The following THRB variants were observed in gnomAD, a reference collection of about 807,000 sequenced individuals.
The protein encoded by THRB is thyroid hormone receptor beta, also known as nuclear receptor subfamily 1 group A member 2.
Under a neutral mutation model 47.8 loss-of-function variants are expected in THRB, and 12 were observed. The ratio of observed to expected loss-of-function variants is 0.25; its 90% CI spans 0.16 to 0.41. The LOEUF (loss-of-function observed/expected upper bound fraction) is 0.41, where lower values mean the gene tolerates loss of function less well. Among genes scored for constraint, THRB ranks in the 10% least tolerant of loss-of-function variants. THRB has a pLI of 1.00. For missense variants in THRB, 348 were observed against 589.2 expected, an observed-to-expected ratio of 0.59 and a Z score of 4.24; for synonymous variants, 218 against 212.2, an observed-to-expected ratio of 1.03 and a Z score of -0.24.
Position 24,117,577 on chromosome 3 carries a change from A to G in THRB, c.*5307T>C, listed in dbSNP as rs1336218457. The G allele has an allele frequency of 2.6e-5, 4 of 152,352 alleles. No individual in the cohort carries two copies. The East Asian group carries it at 7.7e-4, about 29-fold the overall frequency. The allele number at this position is 152,352 out of a possible 1,614,324, so 9.4% of individuals were successfully genotyped here. ...GGAGAAAAGAAATTCTCCTTTCACT[A>G]TATTTGGAGCTGTAAAGCTCATCCT... is the stretch of plus-strand genomic sequence containing the variant. On this transcript the variant is annotated 3_prime_UTR_variant, in exon 11 of 11. Coordinates refer to ENST00000646209, the MANE Select transcript of THRB (RefSeq NM_001354712.2).
intron 3 of THRB, among the ~76,000 whole-genome samples, chr3:24,242,284 C>T (rs1379812665): frequency 2.6e-5 from 4 of 152,164 alleles, no homozygotes; most frequent in Non-Finnish European, 5.9e-5. Flanking sequence ...AAGGGCATTT[C>T]TGCATGATTC....
intron 2 of THRB, among the ~76,000 whole-genome samples, chr3:24,319,273 T>C (rs2058321256): frequency 6.6e-6 from 1 of 152,136 alleles, no homozygotes; most frequent in East Asian, 1.9e-4. Flanking sequence ...CCAAGAGAAA[T>C]GGATATGTCC....
At chr3:24,210,718 C>T (rs1034497730) in intron 4 of THRB, among the ~76,000 whole-genome samples, 1 of 152,174 alleles carries the variant, frequency 6.6e-6, no homozygotes, top group Non-Finnish European at 1.5e-5. Flanking sequence ...TCCTTTCTAC[C>T]AGTCAGCATG....
At chr3:24,285,329 A>G (rs1250231559) in intron 3 of THRB, among the ~76,000 whole-genome samples, 1 of 151,548 alleles carries the variant, frequency 6.6e-6, no homozygotes, top group Admixed American at 6.6e-5. Flanking sequence ...AACTATCACA[A>G]GAACAAAAAA....
intron 1 of THRB, among the ~76,000 whole-genome samples, chr3:24,375,396 G>GACATATAATATTAATATATTATAT (rs1560050189): frequency 1.3e-3 from 115 of 86,958 alleles, no homozygotes; most frequent in African/African-American, 4.7e-3. Context: ...ATATATTATA[G>GACATATAATATTAATATATTATAT]TTAGACATAT....
chr3:24,299,446 T>A (rs942517320), intron 2 of THRB, among the ~76,000 whole-genome samples: 3 of 152,012 alleles, frequency 2.0e-5, no homozygotes, highest in African/African-American at 7.2e-5. Flanking sequence ...CTTTGGATGC[T>A]TTTCAAGAAA....
intron 1 of THRB, among the ~76,000 whole-genome samples, chr3:24,342,187 T>C (rs1341641792): frequency 2.1e-5 from 3 of 146,092 alleles, no homozygotes; most frequent in South Asian, 2.1e-4. Flanking sequence ...GATGCCTACA[T>C]AGAAAATGGT....
intron 4 of THRB, among the ~76,000 whole-genome samples, chr3:24,208,138 A>T (rs181920731): frequency 3.0e-4 from 45 of 152,308 alleles, no homozygotes; most frequent in African/African-American, 9.1e-4. Flanking sequence ...CCAACTTACA[A>T]GGGATGTGAA....
chr3:24,419,504 G>T, intron 1 of THRB, among the ~76,000 whole-genome samples: 1 of 151,772 alleles, frequency 6.6e-6, no homozygotes, highest in African/African-American at 2.4e-5. Context: ...TTTTACTATG[G>T]CTTTGGATCT....
intron 3 of THRB, among the ~76,000 whole-genome samples, chr3:24,287,902 A>G (rs2150939660): frequency 6.6e-6 from 1 of 152,342 alleles, no homozygotes; most frequent in South Asian, 2.1e-4. Flanking sequence ...AGAGAAAGGA[A>G]CAACATTTAC....
intron 1 of THRB, among the ~76,000 whole-genome samples, chr3:24,456,992 C>A (rs112041866): frequency 5.1e-4 from 77 of 152,086 alleles, no homozygotes; most frequent in African/African-American, 1.5e-3. Context: ...AATTGGCAAA[C>A]CTCTCCTAAT....
At chr3:24,329,983 C>T (rs971132277) in intron 2 of THRB, among the ~76,000 whole-genome samples, 3 of 152,140 alleles carry the variant, frequency 2.0e-5, no homozygotes, top group Non-Finnish European at 4.4e-5. Context: ...TGAGAAACAC[C>T]GTCTTAGACT....
chr3:24,220,174 G>T (rs889868043), intron 4 of THRB, among the ~76,000 whole-genome samples: 1 of 152,126 alleles, frequency 6.6e-6, no homozygotes, highest in Non-Finnish European at 1.5e-5. Flanking sequence ...GTCTAGGATG[G>T]CATGGACATC....
intron 2 of THRB, among the ~76,000 whole-genome samples, chr3:24,313,146 G>A (rs1310909551): frequency 6.6e-6 from 1 of 152,106 alleles, no homozygotes; most frequent in Non-Finnish European, 1.5e-5. Context: ...TGGGAAGACA[G>A]CAACTCCCAA....
chr3:24,324,098 C>A (rs984612348), intron 2 of THRB, among the ~76,000 whole-genome samples: 2 of 152,162 alleles, frequency 1.3e-5, no homozygotes, highest in African/African-American at 4.8e-5. Context: ...TCAGTCTCAC[C>A]CCACGCTTCA....
intron 3 of THRB, among the ~76,000 whole-genome samples, chr3:24,264,304 A>G (rs576654804): frequency 6.6e-6 from 1 of 152,150 alleles, no homozygotes; most frequent in African/African-American, 2.4e-5. Flanking sequence ...TAAATGACAC[A>G]CAATAATTAG....
chr3:24,244,425 A>G (rs1226701906), intron 3 of THRB, among the ~76,000 whole-genome samples: 1 of 152,170 alleles, frequency 6.6e-6, no homozygotes, highest in Non-Finnish European at 1.5e-5. Context: ...CTTATCTCTC[A>G]TTTGCTGCCA....
At chr3:24,298,813 T>A (rs2056660292) in intron 2 of THRB, among the ~76,000 whole-genome samples, 3 of 152,200 alleles carry the variant, frequency 2.0e-5, no homozygotes, top group Admixed American at 2.0e-4. Context: ...GAAATCAGCA[T>A]GAAAAAGGGT....
chr3:24,354,991 A>T (rs561684748), intron 1 of THRB, among the ~76,000 whole-genome samples: 116 of 152,282 alleles, frequency 7.6e-4, no homozygotes, highest in African/African-American at 2.7e-3. Context: ...GGAGGAAAAG[A>T]CATTTGTATG....
Sources: gnomAD v4.1 joint callset for allele counts (sites outside exome capture counted in the v4.1 genomes callset) on GRCh38, gnomAD v4.1.1 for gene constraint, MANE v1.5 for transcripts, NCBI Gene and HGNC (gene_info 2026-07-23, HGNC 2026-07-21) for gene names.